LY6K: variants seen among roughly 807,000 people sequenced by gnomAD.
LY6K encodes the protein lymphocyte antigen 6 family member K.
Under a neutral mutation model 10.4 loss-of-function variants are expected in LY6K, and 9 were observed. That is an observed-to-expected ratio of 0.87 (90% CI 0.52 to 1.52). LY6K has a LOEUF of 1.52. Ranked by LOEUF, LY6K falls within the 40% of genes most tolerant of loss-of-function variation. LY6K has a pLI of 0.00. For missense variants in LY6K, 217 were observed against 211.7 expected (o/e 1.02, Z -0.15); for synonymous variants, 98 against 83.7 (o/e 1.17, Z -0.94).
intron 2 of LY6K, chr8:142,702,288 T>TA: frequency 1.7e-6 from 1 of 574,064 alleles, no homozygotes; most frequent in South Asian, 2.4e-5. Flanking sequence ...TTAATAGTGT[T>TA]AAATGCGCCA....
chr8:142,700,418 G>T lies in LY6K; in HGVS notation c.-110G>T. The T allele has an allele frequency of 7.3e-7, 1 of 1,370,298 alleles. No individual in the cohort carries two copies. The highest frequency in any genetic ancestry group is 9.4e-7 in the Non-Finnish European group (1 of 1,063,556). The allele number at this position is 1,370,298 out of a possible 1,614,324, so 84.9% of individuals were successfully genotyped here. A position where few individuals can be genotyped will look rare whatever the true frequency, so the allele number is the denominator to read the frequency against. On this transcript the variant is annotated 5_prime_UTR_variant, in exon 1 of 3. Transcript: ENST00000292430. ...AGGCGCGCGCCCCGGGGCGGGCGGG[G>T]CTCCCCCTACCGGCCAGACCCGGGG...
intron 2 of LY6K, chr8:142,702,199 G>C (rs1554640282): frequency 2.2e-6 from 1 of 458,362 alleles, no homozygotes; most frequent in African/African-American, 1.9e-5. Flanking sequence ...GCCTGCTACA[G>C]TGGGTCCAGA....
intron 1 of LY6K, among the ~76,000 whole-genome samples, chr8:142,701,080 C>G (rs1018972332): frequency 5.3e-5 from 8 of 152,110 alleles, no homozygotes; most frequent in South Asian, 2.1e-4. Context: ...GGAGCAGACC[C>G]AAGCCCCAGG....
chr8:142,702,928 A>G, intron 2 of LY6K, 163 bp from the exon 3 acceptor site: 1 of 1,550,436 alleles, frequency 6.4e-7, no homozygotes, highest in Non-Finnish European at 8.7e-7. Flanking sequence ...CATTCAACAC[A>G]CAGGCCTGGC....
chr8:142,703,282 G>T lies in LY6K; in HGVS notation c.409G>T (p.Ala137Ser). Residue 137 changes from alanine to serine, a missense_variant, in exon 3 of 3, where the codon GCT (alanine) becomes TCT (serine). By Grantham distance (99) the Ala-to-Ser change is moderately conservative (BLOSUM62 1). Coordinates refer to ENST00000292430, the MANE Select transcript of LY6K (RefSeq NM_017527.4). The stretch of plus-strand genomic sequence containing the variant: ...CAACTCATCAGTGTTCAAAGAATAT[G>T]CTGGGAGCATGGGTGAGAGCTGTGG... ...PINSSVFKEY[A>S]GSMGESCGGL... is the part of the protein sequence containing the mutation. 6.2e-7 allele frequency: 1 copy of T among 1,614,116 alleles called. No homozygotes were observed. The highest frequency in any genetic ancestry group is 1.1e-5 in the South Asian group (1 of 91,080).
intron 2 of LY6K, chr8:142,702,246 A>C (rs892116313): frequency 1.9e-6 from 1 of 531,428 alleles, no homozygotes; most frequent in Non-Finnish European, 3.4e-6. Flanking sequence ...TCTGGATTTC[A>C]TATCATCCAT....
In LY6K at chr8:142,700,644, G is replaced by C; in HGVS notation, c.103+14G>C. 2 of 1,500,904 alleles carry C rather than the reference G, an allele frequency of 1.3e-6. No homozygotes were observed. The highest frequency in any genetic ancestry group is 1.8e-6 in the Non-Finnish European group (2 of 1,123,044). 93.0% of individuals were successfully genotyped at this position (1,500,904 alleles called of 1,614,324 possible). ...CCCAGCGAACGGGTGAGCCTGGCTC[G>C]CCCTCCACAGCCACGGGCCGAGAGG... On this transcript the variant is annotated intron_variant, in intron 1 of 2. Coordinates refer to ENST00000292430, the MANE Select transcript of LY6K (RefSeq NM_017527.4).
In LY6K at chr8:142,700,452, G is replaced by C. The variant is rs1452948537; in HGVS notation, c.-76G>C. ...ACCGGCCAGACCCGGGGAGAGGCGC[G>C]CGGAGGCTGCGAAGGTTCCAGAAGG... On this transcript the variant is annotated 5_prime_UTR_variant, in exon 1 of 3. Transcript: ENST00000292430. The C allele has an allele frequency of 2.0e-6, 3 of 1,488,888 alleles. No homozygotes were observed. The highest frequency in any genetic ancestry group is 2.7e-6 in the Non-Finnish European group (3 of 1,120,512). 92.2% of individuals were successfully genotyped at this position (1,488,888 alleles called of 1,614,324 possible). A position where few individuals can be genotyped will look rare whatever the true frequency, so the allele number is the denominator to read the frequency against.
At chr8:142,702,979 T>C in intron 2 of LY6K, 112 bp from the exon 3 acceptor site, 1 of 1,559,106 alleles carries the variant, frequency 6.4e-7, no homozygotes, top group Non-Finnish European at 8.7e-7. Context: ...CAGTTGACTG[T>C]GCACCTTTGA....
intron 1 of LY6K, 85 bp downstream of exon 1, chr8:142,700,715 G>A: frequency 7.7e-7 from 1 of 1,300,230 alleles, no homozygotes; most frequent in Non-Finnish European, 1.0e-6. Context: ...CCACCGCCCC[G>A]ACCAGGCCGT....
chr8:142,701,428 C>T (rs1156475676), intron 1 of LY6K, among the ~76,000 whole-genome samples, 172 bp from the exon 2 acceptor site: 1 of 152,168 alleles, frequency 6.6e-6, no homozygotes, highest in Non-Finnish European at 1.5e-5. Flanking sequence ...TGGCCGGAGA[C>T]CCCTCCTGCT....
At chr8:142,702,568 A>C in intron 2 of LY6K, 3 of 1,535,646 alleles carry the variant, frequency 2.0e-6, no homozygotes, top group Non-Finnish European at 2.6e-6. Flanking sequence ...GGTATCCACG[A>C]AGTTGGTGGG....
chr8:142,704,178 A>G lies in LY6K; in HGVS notation c.*807A>G, dbSNP rs587740982. The stretch of plus-strand genomic sequence containing the variant: ...CAAAAGTTCACGAAAAAATTGAATT[A>G]AAAGATAAAAATTAAAAAATGTTTT... On this transcript the variant is annotated 3_prime_UTR_variant, in exon 3 of 3. Coordinates refer to ENST00000292430, the MANE Select transcript of LY6K (RefSeq NM_017527.4). 2 of 152,346 alleles carry G rather than the reference A, an allele frequency of 1.3e-5. No individual in the cohort carries two copies. The highest frequency in any genetic ancestry group is 4.8e-5 in the African/African-American group (2 of 41,586). The allele number at this position is 152,346 out of a possible 1,614,324, so 9.4% of individuals were successfully genotyped here.
At position 142,701,715 on chromosome 8, in the gene LY6K, T is replaced by C. The variant is rs781949991; in HGVS notation, c.217+2T>C. 3.7e-6 allele frequency: 6 copies of C among 1,601,574 alleles called. No individual in the cohort carries two copies. In the East Asian group the frequency reaches 1.1e-4, roughly 30 times the overall value. On this transcript the variant is annotated splice_donor_variant, in intron 2 of 2. Coordinates refer to ENST00000292430, the MANE Select transcript of LY6K (RefSeq NM_017527.4). LOFTEE classifies it high-confidence loss of function. The stretch of plus-strand genomic sequence containing the variant: ...CATACTGCGTTATAGCGGCCGTGAG[T>C]GAGTATCTTCGCTCTTGTTGGGGAC...
intron 2 of LY6K, chr8:142,702,244 T>G: frequency 1.9e-6 from 1 of 526,430 alleles, no homozygotes; most frequent in Non-Finnish European, 3.4e-6. Context: ...AATCTGGATT[T>G]CATATCATCC....
chr8:142,702,720 AAG>A lies in LY6K; in HGVS notation c.218-368_218-367del, dbSNP rs1348450319. On this transcript the variant is annotated intron_variant, in intron 2 of 2. Coordinates refer to ENST00000292430, the MANE Select transcript of LY6K (RefSeq NM_017527.4). Reference sequence around the variant, plus strand: ...AGCTCAGAGTCGAGCCAGGCCCACCAAGAGGCCAGCTCCACACCCTGGGTGAT... The same window carrying A: ...AGCTCAGAGTCGAGCCAGGCCCACCAAGGCCAGCTCCACACCCTGGGTGAT... 2.7e-6 allele frequency: 4 copies of A among 1,494,230 alleles called. No homozygotes were observed. In the African/African-American group the frequency reaches 5.5e-5, roughly 21 times the overall value. The allele number at this position is 1,494,230 out of a possible 1,614,324, so 92.6% of individuals were successfully genotyped here.
chr8:142,702,673 G>A (rs1815085659), intron 2 of LY6K: 2 of 1,515,826 alleles, frequency 1.3e-6, no homozygotes, highest in Non-Finnish European at 8.8e-7. Flanking sequence ...AAGATGAAGT[G>A]TGGTCATGAG....
rs1347916228 is a variant in LY6K, at chr8:142,700,340, C to G, written c.-188C>G. On this transcript the variant is annotated 5_prime_UTR_variant, in exon 1 of 3. Transcript: ENST00000292430. ...ACCGGCGTTCAGGGCCGCCAGCGGCCGCGAGGCCCTGAGATGAGGCTCCAA... is the reference window on the plus strand; with the variant it reads ...ACCGGCGTTCAGGGCCGCCAGCGGCGGCGAGGCCCTGAGATGAGGCTCCAA... The G allele has an allele frequency of 1.5e-6, 2 of 1,309,924 alleles. No homozygotes were observed. Among genetic ancestry groups the G allele is most frequent in the African/African-American group, 1.6e-5 (1 of 64,356 alleles). The allele number at this position is 1,309,924 out of a possible 1,614,324, so 81.1% of individuals were successfully genotyped here.
chr8:142,700,486 GGGGCGCCGCGCGCTGACCCTCCCT>G lies in LY6K; in HGVS notation c.-37_-14del, dbSNP rs1183036476. The G allele has an allele frequency of 1.2e-5, 19 of 1,541,324 alleles. No homozygotes were observed. Among genetic ancestry groups the G allele is most frequent in the African/African-American group, 2.8e-5 (2 of 70,508 alleles). Reference sequence around the variant, plus strand: ...GCGAAGGTTCCAGAAGGGCGGGGAGGGGGCGCCGCGCGCTGACCCTCCCTGGGCACCGCTGGGGACGATGGCGCT... The same window carrying G: ...GCGAAGGTTCCAGAAGGGCGGGGAGGGGGCACCGCTGGGGACGATGGCGCT... On this transcript the variant is annotated 5_prime_UTR_variant, in exon 1 of 3. Coordinates refer to ENST00000292430, the MANE Select transcript of LY6K (RefSeq NM_017527.4).
Sources: gnomAD v4.1 joint callset for allele counts (sites outside exome capture counted in the v4.1 genomes callset) on GRCh38, gnomAD v4.1.1 for gene constraint, MANE v1.5 for transcripts, NCBI Gene and HGNC (gene_info 2026-07-23, HGNC 2026-07-21) for gene names.